The following IL7 variants were observed in gnomAD, a reference collection of about 807,000 sequenced individuals.
IL7 encodes interleukin 7, also known as interleukin-7.
IL7 carries 3 observed loss-of-function variants against 21.6 expected under a neutral mutation model. The ratio of observed to expected loss-of-function variants is 0.14; its 90% confidence interval spans 0.06 to 0.36. The LOEUF (loss-of-function observed/expected upper bound fraction) is 0.36, where lower values mean the gene tolerates loss of function less well. Ranked by LOEUF, IL7 falls within the 10% of genes least tolerant of loss-of-function variation. The pLI, the probability that IL7 is intolerant of heterozygous loss-of-function variation, is 1.00. For synonymous variants in IL7, 62 were observed against 68.1 expected (o/e 0.91, Z 0.44); for missense variants, 175 against 200.2 (o/e 0.87, Z 0.76).
intron 3 of IL7, among the ~76,000 whole-genome samples, chr8:78,709,627 G>A (rs554880194): frequency 4.4e-4 from 66 of 151,412 alleles, no homozygotes; most frequent in African/African-American, 1.6e-3. Context: ...GCAGGGGGGT[G>A]TTCAATCTTT....
chr8:78,710,879 T>C (rs1810929894), intron 3 of IL7, among the ~76,000 whole-genome samples: 1 of 152,138 alleles, frequency 6.6e-6, no homozygotes, highest in Non-Finnish European at 1.5e-5. Flanking sequence ...ACAAAATGCC[T>C]GCTATGTATA....
chr8:78,742,550 T>C (rs1811824948), intron 2 of IL7, among the ~76,000 whole-genome samples: 1 of 152,130 alleles, frequency 6.6e-6, no homozygotes, highest in South Asian at 2.1e-4. Context: ...ACTCTTATAG[T>C]AGAGGAAAAG....
intron 2 of IL7, among the ~76,000 whole-genome samples, chr8:78,773,790 C>T (rs1009781960): frequency 1.3e-5 from 2 of 152,050 alleles, no homozygotes; most frequent in Admixed American, 6.6e-5. Context: ...TGCTTATCCA[C>T]TTTGACTGGA....
At chr8:78,785,721 C>T (rs912445044) in intron 2 of IL7, among the ~76,000 whole-genome samples, 30 of 152,026 alleles carry the variant, frequency 2.0e-4, no homozygotes, top group African/African-American at 7.2e-4. Flanking sequence ...ATTTCTGTAT[C>T]GTTGTATGTT....
At chr8:78,743,741 C>T (rs1811877943) in intron 2 of IL7, among the ~76,000 whole-genome samples, 1 of 152,110 alleles carries the variant, frequency 6.6e-6, no homozygotes, top group South Asian at 2.1e-4. Flanking sequence ...TGCTCTGATT[C>T]TTTCTCATTT....
At chr8:78,783,212 C>A (rs1403456830) in intron 2 of IL7, among the ~76,000 whole-genome samples, 2 of 152,216 alleles carry the variant, frequency 1.3e-5, no homozygotes, top group Non-Finnish European at 2.9e-5. Flanking sequence ...CTGCTCTGTG[C>A]TTGGAACCCA....
At chr8:78,762,177 T>C in intron 2 of IL7, 1 of 1,593,406 alleles carries the variant, frequency 6.3e-7, no homozygotes, top group East Asian at 2.2e-5. Flanking sequence ...TCAAATATTG[T>C]TGGTATTGCA....
chr8:78,788,033 A>G (rs1180285088), intron 2 of IL7, among the ~76,000 whole-genome samples: 1 of 152,208 alleles, frequency 6.6e-6, no homozygotes, highest in Non-Finnish European at 1.5e-5. Context: ...AAGTTAATGC[A>G]TAAAATTAAC....
At chr8:78,682,541 A>C (rs946785958) in intron 4 of IL7, among the ~76,000 whole-genome samples, 30 of 152,234 alleles carry the variant, frequency 2.0e-4, no homozygotes, top group African/African-American at 6.7e-4. Context: ...ACAACACAGG[A>C]AAAACCTGCC....
intron 2 of IL7, among the ~76,000 whole-genome samples, chr8:78,796,110 T>C (rs1813844897): frequency 6.6e-6 from 1 of 152,060 alleles, no homozygotes; most frequent in Non-Finnish European, 1.5e-5. Flanking sequence ...ATTGTATTGA[T>C]ACAGCTCTGA....
chr8:78,787,359 C>A (rs1036972263), intron 2 of IL7, among the ~76,000 whole-genome samples: 6 of 152,096 alleles, frequency 3.9e-5, no homozygotes, highest in Non-Finnish European at 8.8e-5. Flanking sequence ...GAATTGACAG[C>A]CAGCTTGTGT....
At chr8:78,690,628 A>G (rs1810179625) in intron 3 of IL7, among the ~76,000 whole-genome samples, 1 of 152,138 alleles carries the variant, frequency 6.6e-6, no homozygotes, top group South Asian at 2.1e-4. Flanking sequence ...TTGACTTGTC[A>G]ACATCTACAA....
At chr8:78,711,358 A>G (rs1810944146) in intron 3 of IL7, among the ~76,000 whole-genome samples, 1 of 151,920 alleles carries the variant, frequency 6.6e-6, no homozygotes, top group South Asian at 2.1e-4. Context: ...AGCCTTTATA[A>G]TTTTGGTCAA....
At chr8:78,722,416 C>A (rs968303517) in intron 3 of IL7, among the ~76,000 whole-genome samples, 1 of 151,650 alleles carries the variant, frequency 6.6e-6, no homozygotes, top group African/African-American at 2.4e-5. Context: ...TTATTTTTTG[C>A]TTTCAATAAG....
At chr8:78,736,250 C>CT (rs940743634) in intron 5 of IL7, among the ~76,000 whole-genome samples, 30 of 150,148 alleles carry the variant, frequency 2.0e-4, no homozygotes, top group Non-Finnish European at 3.7e-4. Context: ...AAAAATCATG[C>CT]TTTTGTATTT....
intron 2 of IL7, among the ~76,000 whole-genome samples, chr8:78,776,088 T>A (rs151280885): frequency 0.011 from 1,639 of 152,108 alleles, 17 homozygotes; most frequent in South Asian, 0.031. Context: ...TTAGGCACAG[T>A]AAGAGATTAA....
intron 2 of IL7, among the ~76,000 whole-genome samples, chr8:78,759,413 G>T (rs1812469873): frequency 7.3e-6 from 1 of 137,160 alleles, no homozygotes; most frequent in African/African-American, 3.1e-5. Flanking sequence ...ATGGAAAAAA[G>T]ACAGAAAAAA....
intron 3 of IL7, among the ~76,000 whole-genome samples, chr8:78,692,686 T>A (rs1810249203): frequency 6.6e-6 from 1 of 152,110 alleles, no homozygotes; most frequent in Non-Finnish European, 1.5e-5. Flanking sequence ...TGTAGGATGG[T>A]TATATAGCCA....
intron 2 of IL7, among the ~76,000 whole-genome samples, chr8:78,773,745 T>C (rs1459182133): frequency 6.6e-6 from 1 of 152,122 alleles, no homozygotes; most frequent in Non-Finnish European, 1.5e-5. Context: ...TTAGTACATG[T>C]TTGGGAAGTT....
Sources: gnomAD v4.1 joint callset for allele counts (sites outside exome capture counted in the v4.1 genomes callset) on GRCh38, gnomAD v4.1.1 for gene constraint, MANE v1.5 for transcripts, NCBI Gene and HGNC (gene_info 2026-07-23, HGNC 2026-07-21) for gene names.